ANKFN1: variants seen among roughly 807,000 people sequenced by gnomAD.
ANKFN1 encodes the protein ankyrin repeat and fibronectin type III domain containing 1.
A neutral mutation model predicts 108.7 loss-of-function variants in ANKFN1; 74 were observed. The ratio of observed to expected loss-of-function variants is 0.68; its 90% CI spans 0.56 to 0.83. The LOEUF (loss-of-function observed/expected upper bound fraction) is 0.83, where lower values mean the gene tolerates loss of function less well. Ranked by LOEUF, ANKFN1 falls within the 40% of genes least tolerant of loss-of-function variation. The probability of loss-of-function intolerance (pLI) is 0.00; values close to 1 mark genes in which losing one functional copy is unlikely to be tolerated. For synonymous variants in ANKFN1, 547 were observed against 516.2 expected (o/e 1.06, Z -0.81); for missense variants, 1,505 against 1,382.3 (o/e 1.09, Z -1.41).
chr17:56,112,012 A>G (rs943171244), intron 4 of ANKFN1, among the ~76,000 whole-genome samples: 3 of 152,232 alleles, frequency 2.0e-5, no homozygotes, highest in Non-Finnish European at 4.4e-5. Flanking sequence ...CAAAATTCTC[A>G]AGGGGCTAGC....
chr17:56,307,935 G>T (rs1254709215), intron 3 of ANKFN1, among the ~76,000 whole-genome samples: 5 of 152,170 alleles, frequency 3.3e-5, no homozygotes, highest in Non-Finnish European at 7.3e-5. Context: ...ATAGGGACAT[G>T]GATGAAGCTG....
intron 3 of ANKFN1, chr17:56,323,559 T>C (rs920959943): frequency 6.6e-6 from 1 of 152,564 alleles, no homozygotes; most frequent in African/African-American, 2.4e-5. Flanking sequence ...GTGTGATCAA[T>C]ATGGGCTGAG....
At chr17:56,317,024 G>C (rs73311738) in intron 3 of ANKFN1, among the ~76,000 whole-genome samples, 2,184 of 152,286 alleles carry the variant, frequency 0.014, 58 homozygotes, top group African/African-American at 0.05. Context: ...TCTGGAAAGA[G>C]AGATCACATA....
intron 1 of ANKFN1, among the ~76,000 whole-genome samples, chr17:56,183,229 C>G (rs1911859234): frequency 6.6e-6 from 1 of 152,084 alleles, no homozygotes; most frequent in Admixed American, 6.6e-5. Flanking sequence ...GTTATAGTTA[C>G]CATCAATAGC....
chr17:56,147,944 G>A (rs1192603312), intron 4 of ANKFN1, among the ~76,000 whole-genome samples: 1 of 152,144 alleles, frequency 6.6e-6, no homozygotes, highest in East Asian at 1.9e-4. Context: ...TTCTCTGCCA[G>A]ATCCTGTTCT....
At chr17:56,326,896 A>T (rs910228737) in intron 4 of ANKFN1, among the ~76,000 whole-genome samples, 2 of 152,214 alleles carry the variant, frequency 1.3e-5, no homozygotes, top group African/African-American at 4.8e-5. Flanking sequence ...TAACATTATG[A>T]CTGTGATACT....
upstream of ANKFN1, among the ~76,000 whole-genome samples, chr17:56,152,475 T>A (rs1415667196): frequency 2.0e-5 from 3 of 152,088 alleles, no homozygotes; most frequent in Non-Finnish European, 1.5e-5. Flanking sequence ...GAATTCTCTA[T>A]TTTTAAAAAA....
At chr17:56,075,225 C>T (rs1245620262) in intron 4 of ANKFN1, among the ~76,000 whole-genome samples, 1 of 152,196 alleles carries the variant, frequency 6.6e-6, no homozygotes, top group African/African-American at 2.4e-5. Flanking sequence ...TGACAAGCCA[C>T]ATAACCATGA....
chr17:56,197,943 G>C (rs960392017), intron 1 of ANKFN1, among the ~76,000 whole-genome samples: 1 of 152,130 alleles, frequency 6.6e-6, no homozygotes, highest in Non-Finnish European at 1.5e-5. Context: ...CCAAGAGGTC[G>C]AGGCTACAGT....
At chr17:56,197,416 A>G (rs924735934) in intron 1 of ANKFN1, among the ~76,000 whole-genome samples, 1 of 152,232 alleles carries the variant, frequency 6.6e-6, no homozygotes, top group Non-Finnish European at 1.5e-5. Flanking sequence ...TGTGGGAATA[A>G]TAAAAATAGG....
chr17:56,498,583 A>G (rs1266651799), intron 19 of ANKFN1, among the ~76,000 whole-genome samples: 3 of 152,218 alleles, frequency 2.0e-5, no homozygotes, highest in Non-Finnish European at 4.4e-5. Flanking sequence ...CTAAGGCTCA[A>G]AAAGGTCAAG....
intron 3 of ANKFN1, among the ~76,000 whole-genome samples, chr17:56,266,273 A>G (rs2043648860): frequency 6.6e-6 from 1 of 152,084 alleles, no homozygotes; most frequent in South Asian, 2.1e-4. Context: ...AATTTTACCT[A>G]CCTTTGAATC....
intron 18 of ANKFN1, among the ~76,000 whole-genome samples, chr17:56,484,111 G>T (rs9915087): frequency 0.074 from 11,243 of 152,190 alleles, 1,029 homozygotes; most frequent in African/African-American, 0.22. Context: ...TGGGGGAGTA[G>T]AATGAGCAAA....
At chr17:56,280,766 T>C (rs779267002) in intron 3 of ANKFN1, among the ~76,000 whole-genome samples, 1 of 152,136 alleles carries the variant, frequency 6.6e-6, no homozygotes, top group Non-Finnish European at 1.5e-5. Context: ...GGATATAGAA[T>C]AGTCAGAGCA....
intron 1 of ANKFN1, among the ~76,000 whole-genome samples, chr17:56,209,965 A>T (rs925907766): frequency 1.3e-5 from 2 of 152,188 alleles, no homozygotes; most frequent in African/African-American, 4.8e-5. Context: ...AATGGTCTCC[A>T]GTTCCATCCA....
At chr17:56,370,611 A>AG (rs910453962) in intron 6 of ANKFN1, among the ~76,000 whole-genome samples, 1 of 152,152 alleles carries the variant, frequency 6.6e-6, no homozygotes, top group Non-Finnish European at 1.5e-5. Context: ...TGGAAGAAGG[A>AG]GGGGGGAGTG....
At chr17:56,179,786 G>A (rs777523652) in intron 1 of ANKFN1, among the ~76,000 whole-genome samples, 4 of 152,138 alleles carry the variant, frequency 2.6e-5, no homozygotes, top group Admixed American at 6.5e-5. Flanking sequence ...TTTGTAAGAC[G>A]CCCAGAACAG....
At chr17:56,252,065 C>T (rs577723050) in intron 3 of ANKFN1, among the ~76,000 whole-genome samples, 12 of 152,328 alleles carry the variant, frequency 7.9e-5, no homozygotes, top group East Asian at 1.9e-4. Flanking sequence ...GGCTTAACCA[C>T]GGAATAATGG....
chr17:56,080,904 T>C (rs1319037918), intron 4 of ANKFN1, among the ~76,000 whole-genome samples: 1 of 152,212 alleles, frequency 6.6e-6, no homozygotes, highest in African/African-American at 2.4e-5. Context: ...AGCCATTAGC[T>C]ACTGATGGCT....
Sources: allele counts gnomAD v4.1 joint callset (sites outside exome capture counted in the v4.1 genomes callset), GRCh38; gene constraint gnomAD v4.1.1; transcripts MANE v1.5; gene names NCBI Gene and HGNC (gene_info 2026-07-23, HGNC 2026-07-21).